SULF2: variants seen among roughly 807,000 people sequenced by gnomAD.
The protein encoded by SULF2 is extracellular sulfatase Sulf-2.
A neutral mutation model predicts 107.7 loss-of-function variants in SULF2; 52 were observed. The observed-to-expected ratio is 0.48, with a 90% CI of 0.39 to 0.61. The LOEUF is 0.61. Among genes scored for constraint, SULF2 ranks in the 20% least tolerant of loss-of-function variants. SULF2 has a pLI of 0.00. For synonymous variants in SULF2, 460 were observed against 464.3 expected (o/e 0.99, Z 0.12); for missense variants, 993 against 1,177.3 (o/e 0.84, Z 2.29).
rs374366054 is a variant in SULF2, at chr20:47,686,924, G to A, written c.738-2343C>T. Reference sequence around the variant, plus strand: ...GCTCTGCTGTCTCAGGGCCTGACCCGCCATGTAGAACATTCCCAGGAACAA... The same window carrying A: ...GCTCTGCTGTCTCAGGGCCTGACCCACCATGTAGAACATTCCCAGGAACAA... On this transcript the variant is annotated intron_variant, in intron 5 of 20. Transcript: ENST00000688720. Among the ~76,000 whole-genome samples the A allele has an allele frequency of 3.1e-4, 47 of 152,212 alleles. 2 individuals are homozygous for A. The highest frequency in any genetic ancestry group is 3.6e-4 in the African/African-American group (15 of 41,530).
Position 47,663,627 on chromosome 20 carries a change from G to A in SULF2, c.2058-5C>T, listed in dbSNP as rs1405496432. The A allele has an allele frequency of 1.3e-6, 2 of 1,571,278 alleles. No individual in the cohort carries two copies. Among genetic ancestry groups the A allele is most frequent in the Non-Finnish European group, 1.7e-6 (2 of 1,159,322 alleles). ...TCCTTCTCTTGCAGGCCCTTCCTATGGGCGCAGAGGGCCACACACACCTTG... is the reference window on the plus strand; with the variant it reads ...TCCTTCTCTTGCAGGCCCTTCCTATAGGCGCAGAGGGCCACACACACCTTG... On this transcript the variant is annotated splice_polypyrimidine_tract_variant and splice_region_variant and intron_variant, in intron 15 of 20. Transcript: ENST00000688720.
At position 47,672,282 on chromosome 20, in the gene SULF2, C is replaced by G. The variant is rs149787530; in HGVS notation, c.1492G>C (p.Gly498Arg). The change falls in exon 11 of 21, where the codon GGG becomes CGG. Residue 498 changes from glycine to arginine, a missense_variant. Gly to Arg is a moderately radical substitution (Grantham distance 125). Coordinates refer to ENST00000688720, the MANE Select transcript of SULF2 (RefSeq NM_001387048.1). ...CAGGTGCAGGCCTCGCTGCCCTGCCCGTAGTACTTGGGCACGAGGTTGGAG... is the reference window on the plus strand; with the variant it reads ...CAGGTGCAGGCCTCGCTGCCCTGCCGGTAGTACTTGGGCACGAGGTTGGAG... ...ALSNLVPKYY[G>R]QGSEACTCDS... 5 of 1,613,536 alleles carry G rather than the reference C, an allele frequency of 3.1e-6. No homozygotes were observed. Among genetic ancestry groups the G allele is most frequent in the Non-Finnish European group, 4.2e-6 (5 of 1,179,960 alleles).
intron 3 of SULF2, among the ~76,000 whole-genome samples, chr20:47,715,608 G>A: frequency 6.7e-6 from 1 of 148,582 alleles, no homozygotes; most frequent in Non-Finnish European, 1.5e-5. Flanking sequence ...TTGAGATGGA[G>A]TCCCACACTG....
chr20:47,754,767 C>T (rs1316170658), intron 2 of SULF2, among the ~76,000 whole-genome samples: 1 of 152,248 alleles, frequency 6.6e-6, no homozygotes, highest in Non-Finnish European at 1.5e-5. Context: ...GAAAACAACT[C>T]AATATCCATC....
upstream of SULF2, chr20:47,785,735 G>A (rs1452644757): frequency 1.4e-5 from 2 of 147,526 alleles, no homozygotes; most frequent in Admixed American, 1.3e-4. Flanking sequence ...GCTCCGGGGC[G>A]GGGAGCGTCG....
rs1248383208 is a variant in SULF2 at position 47,777,159 on chromosome 20, CAT to C, written c.-101+8182_-101+8183del. ...CCAGAGAGTGATAAGTGTTATAAAACATAAAACAGGTTGTCCTTCCAGCATTC... is the reference window on the plus strand; with the variant it reads ...CCAGAGAGTGATAAGTGTTATAAAACAAAACAGGTTGTCCTTCCAGCATTC... On this transcript the variant is annotated intron_variant, in intron 1 of 20. Coordinates refer to ENST00000688720, the MANE Select transcript of SULF2 (RefSeq NM_001387048.1). Among the ~76,000 whole-genome samples, 6 of 152,232 alleles carry C rather than the reference CAT, an allele frequency of 3.9e-5. No homozygotes were observed. In the East Asian group the frequency reaches 5.8e-4, roughly 15 times the overall value.
At chr20:47,698,573 T>C (rs926943904) in intron 4 of SULF2, among the ~76,000 whole-genome samples, 1 of 152,148 alleles carries the variant, frequency 6.6e-6, no homozygotes, top group African/African-American at 2.4e-5. Context: ...TAGAGAGAAA[T>C]CAACTCCTTG....
Position 47,736,775 on chromosome 20 carries a change from A to T in SULF2, c.343T>A (p.Ser115Thr), listed in dbSNP as rs766204323. ...TCGTGCTGTGCCTGCCAGGAGGGCG[A>T]GGAGCAGTTCTCATTGTTGGTGTAG... Reference protein sequence around the residue: ...NTYTNNENCSSPSWQAQHESR... With the variant: ...NTYTNNENCSTPSWQAQHESR... Residue 115 changes from serine to threonine, a missense_variant, in exon 3 of 21, where the codon TCG (serine) becomes ACG (threonine). Ser to Thr is a moderately conservative substitution (Grantham distance 58). Coordinates refer to ENST00000688720, the MANE Select transcript of SULF2 (RefSeq NM_001387048.1). 2 of 1,614,216 alleles carry T rather than the reference A, an allele frequency of 1.2e-6. No individual in the cohort carries two copies. Among genetic ancestry groups the T allele is most frequent in the Non-Finnish European group, 1.7e-6 (2 of 1,180,030 alleles).
chr20:47,700,718 T>C (rs1375705692), intron 4 of SULF2, among the ~76,000 whole-genome samples: 1 of 148,684 alleles, frequency 6.7e-6, no homozygotes, highest in Non-Finnish European at 1.5e-5. Context: ...TGATCTCGGC[T>C]CACTGCAACC....
intron 1 of SULF2, among the ~76,000 whole-genome samples, chr20:47,764,837 AT>A (rs2090494709): frequency 6.6e-6 from 1 of 152,196 alleles, no homozygotes; most frequent in African/African-American, 2.4e-5. Context: ...ATAATGAATG[AT>A]AGCTAACATC....
rs151235792 is a variant in SULF2, at chr20:47,663,489, C to T, written c.2191G>A (p.Asp731Asn). The T allele has an allele frequency of 2.6e-5, 42 of 1,611,298 alleles. No homozygotes were observed. Among genetic ancestry groups the T allele is most frequent in the Admixed American group, 3.3e-5 (2 of 60,022 alleles). ...GGCGCCGTCTGCCAGTGCTGGTTGT[C>T]GTGGGTGAAGCACGTGAGGCCTGGC... ...SMPGLTCFTH[D>N]NQHWQTAPFW... The change falls in exon 16 of 21, where the codon GAC becomes AAC. Residue 731 changes from aspartate (D) to asparagine (N), a missense_variant. Physicochemically the swap from Asp to Asn is conservative, Grantham distance 23 (BLOSUM62 1). This residue lies in a region of SULF2 where 497 missense variants were observed against 544.1 expected (regional missense o/e 0.91). Transcript: ENST00000688720.
intron 2 of SULF2, among the ~76,000 whole-genome samples, chr20:47,748,841 G>A (rs973433043): frequency 6.6e-6 from 1 of 152,146 alleles, no homozygotes; most frequent in Non-Finnish European, 1.5e-5. Context: ...TAATTAGCCT[G>A]GGGCACTGCC....
At chr20:47,691,660 C>A (rs12624578) in intron 4 of SULF2, among the ~76,000 whole-genome samples, 29,043 of 152,030 alleles carry the variant, frequency 0.19, 2,940 homozygotes, top group African/African-American at 0.23. Context: ...GGGCAGATGG[C>A]AACTGGCTCC....
intron 2 of SULF2, among the ~76,000 whole-genome samples, chr20:47,748,948 C>T (rs944679626): frequency 7.9e-5 from 12 of 152,078 alleles, no homozygotes; most frequent in African/African-American, 2.6e-4. Flanking sequence ...TTATAATTCT[C>T]GCTGAGATCA....
At chr20:47,663,980 T>G (rs1167278353) in intron 15 of SULF2, 150 bp downstream of exon 15, 2 of 814,146 alleles carry the variant, frequency 2.5e-6, no homozygotes, top group Non-Finnish European at 3.8e-6. Flanking sequence ...CAGTGTTGAT[T>G]GGGAAGTAAG....
chr20:47,758,294 A>C (rs973128305), intron 1 of SULF2, among the ~76,000 whole-genome samples: 4 of 149,358 alleles, frequency 2.7e-5, no homozygotes, highest in African/African-American at 9.9e-5. Context: ...CTCAGCCTCT[A>C]GAGAAGCTGG....
chr20:47,747,724 C>CG, intron 2 of SULF2, among the ~76,000 whole-genome samples: 1 of 151,842 alleles, frequency 6.6e-6, no homozygotes, highest in South Asian at 2.1e-4. Flanking sequence ...AATGTCCCCC[C>CG]CTTCCCCACC....
intron 2 of SULF2, among the ~76,000 whole-genome samples, chr20:47,747,882 G>A (rs1233986449): frequency 2.6e-5 from 4 of 151,870 alleles, no homozygotes; most frequent in East Asian, 1.9e-4. Flanking sequence ...AAACCCTGCC[G>A]ACCTTCCAAG....
chr20:47,719,223 T>C (rs899041862), intron 3 of SULF2, among the ~76,000 whole-genome samples: 1 of 152,216 alleles, frequency 6.6e-6, no homozygotes, highest in African/African-American at 2.4e-5. Flanking sequence ...CCATTTTATG[T>C]GTAAAGAAGC....
Sources: allele counts gnomAD v4.1 joint callset (sites outside exome capture counted in the v4.1 genomes callset), GRCh38; gene constraint gnomAD v4.1.1; regional missense constraint gnomAD v4.1.1; transcripts MANE v1.5; gene names NCBI Gene and HGNC (gene_info 2026-07-23, HGNC 2026-07-21).